Variants in PRKAG2 observed in about 807,000 individuals in gnomAD.
PRKAG2 encodes the protein 5'-AMP-activated protein kinase subunit gamma-2.
Under a neutral mutation model 69.6 loss-of-function variants are expected in PRKAG2, and 26 were observed. That is an observed-to-expected ratio of 0.37 (90% CI 0.27 to 0.52). The LOEUF (loss-of-function observed/expected upper bound fraction) is 0.52. Among genes scored for constraint, PRKAG2 ranks in the 20% least tolerant of loss-of-function variants. The pLI is 0.90. For missense variants in PRKAG2, 557 were observed against 740.0 expected, an observed-to-expected ratio of 0.75 and a Z score of 2.87; for synonymous variants, 293 against 285.0, an observed-to-expected ratio of 1.03 and a Z score of -0.28.
Position 151,776,313 on chromosome 7 carries a change from C to G in PRKAG2, c.466+4839G>C, listed in dbSNP as rs561997865. On this transcript the variant is annotated intron_variant, in intron 3 of 15. Transcript: ENST00000287878. ...GAGCCATGTCATAGCCTTCCTGAGC[C>G]CGGCCCCTGGCTGTCTACCCCGATG... is the stretch of plus-strand genomic sequence containing the variant. Among the ~76,000 whole-genome samples the G allele has an allele frequency of 3.9e-5, 6 of 152,342 alleles. No homozygotes were observed. The South Asian group carries it at 1.0e-3, about 26-fold the overall frequency.
intron 1 of PRKAG2, among the ~76,000 whole-genome samples, chr7:151,795,199 C>T (rs577454696): frequency 6.6e-6 from 1 of 151,996 alleles, no homozygotes; most frequent in Non-Finnish European, 1.5e-5. Flanking sequence ...CCTAGAGGGA[C>T]AGGTTGGGTG....
chr7:151,591,534 C>A (rs931703131), intron 6 of PRKAG2, among the ~76,000 whole-genome samples: 5 of 152,196 alleles, frequency 3.3e-5, no homozygotes, highest in African/African-American at 1.2e-4. Flanking sequence ...ACACTGGAGA[C>A]ACCCCTCCAA....
At position 151,807,299 on chromosome 7, in the gene PRKAG2, C is replaced by G. The variant is rs923021885; in HGVS notation, c.115-20758G>C. 2.5e-6 allele frequency: 1 copy of G among 407,124 alleles called. No homozygotes were observed. Among genetic ancestry groups the G allele is most frequent in the African/African-American group, 2.0e-5 (1 of 48,808 alleles). The allele number at this position is 407,124 out of a possible 1,614,324, so 25.2% of individuals were successfully genotyped here. On this transcript the variant is annotated intron_variant, in intron 1 of 15. Transcript: ENST00000287878. The surrounding 1 kb of genome is among the most constrained non-coding windows in gnomAD (Gnocchi z 4.4). ...GACCCATGGGATAGGGGAAGAAAAA[C>G]AAGCAATCTACAGAACGTGGGAAAA... is the stretch of plus-strand genomic sequence containing the variant.
intron 1 of PRKAG2, among the ~76,000 whole-genome samples, chr7:151,871,221 C>G (rs1421113920): frequency 6.6e-6 from 1 of 152,226 alleles, no homozygotes; most frequent in African/African-American, 2.4e-5. Flanking sequence ...GGAGAAAGAG[C>G]ACGCTTGCTA....
chr7:151,802,900 A>G (rs1192496530), intron 1 of PRKAG2, among the ~76,000 whole-genome samples: 3 of 151,868 alleles, frequency 2.0e-5, no homozygotes, highest in Admixed American at 1.3e-4. Context: ...GGACTCCCAC[A>G]AGGTTAAAGT....
At chr7:151,619,302 A>G (rs975311798) in intron 5 of PRKAG2, among the ~76,000 whole-genome samples, 1 of 152,240 alleles carries the variant, frequency 6.6e-6, no homozygotes, top group Non-Finnish European at 1.5e-5. Flanking sequence ...AGCAGCAAGC[A>G]CCAGCCAGGC....
chr7:151,842,003 G>GAT (rs2079307025), intron 1 of PRKAG2, among the ~76,000 whole-genome samples: 1 of 144,292 alleles, frequency 6.9e-6, no homozygotes, highest in African/African-American at 2.6e-5. Flanking sequence ...TGGTAGGTAG[G>GAT]GATGGTAGTG....
rs1366378602 is a variant in PRKAG2, at chr7:151,635,690, T to G, written c.685-3552A>C. Among the ~76,000 whole-genome samples the G allele has an allele frequency of 2.0e-5, 3 of 151,794 alleles. No individual in the cohort carries two copies. The East Asian group carries it at 5.8e-4, about 29-fold the overall frequency. ...GGATGCCGGGGATCAGGGGCTGGGG[T>G]AGGGGGCCAGAGGTGCCTATGGCTA... On this transcript the variant is annotated intron_variant, in intron 4 of 15. Transcript: ENST00000287878.
intron 6 of PRKAG2, among the ~76,000 whole-genome samples, chr7:151,589,650 C>G (rs1244104930): frequency 6.6e-6 from 1 of 152,176 alleles, no homozygotes; most frequent in Non-Finnish European, 1.5e-5. Flanking sequence ...GAAACTGGCA[C>G]CACGGCCGGG....
chr7:151,563,966 GA>G (rs1805661043), intron 14 of PRKAG2, 111 bp downstream of exon 14: 1 of 1,455,370 alleles, frequency 6.9e-7, no homozygotes, highest in Non-Finnish European at 9.6e-7. Flanking sequence ...ACTGAACCTG[GA>G]GGCTGCCTCG....
intron 3 of PRKAG2, among the ~76,000 whole-genome samples, chr7:151,697,115 C>T (rs1836807090): frequency 6.6e-6 from 1 of 152,142 alleles, no homozygotes; most frequent in African/African-American, 2.4e-5. Context: ...GCGGGAGCAT[C>T]CCCGGGGAGA....
intron 3 of PRKAG2, among the ~76,000 whole-genome samples, chr7:151,712,923 C>T (rs1795558474): frequency 6.6e-6 from 1 of 152,242 alleles, no homozygotes; most frequent in Admixed American, 6.5e-5. Flanking sequence ...ATATTTTCAG[C>T]ACTTTCCCAG....
chr7:151,807,125 G>A lies in PRKAG2; in HGVS notation c.115-20584C>T, dbSNP rs2078151194. The stretch of plus-strand genomic sequence containing the variant: ...GTCAGAGGGACCTTGTGGAGTGGTG[G>A]AAATGTTCCAGATCACACTGTGGCG... On this transcript the variant is annotated intron_variant, in intron 1 of 15. Transcript: ENST00000287878. This position sits in a 1 kb window ranked among gnomAD's most constrained non-coding sequence, Gnocchi z 4.4. 2.6e-6 allele frequency: 1 copy of A among 380,008 alleles called. No homozygotes were observed. The highest frequency in any genetic ancestry group is 5.2e-6 in the Non-Finnish European group (1 of 192,956). The allele number at this position is 380,008 out of a possible 1,614,324, so 23.5% of individuals were successfully genotyped here.
At chr7:151,863,872 C>G (rs925802428) in intron 1 of PRKAG2, among the ~76,000 whole-genome samples, 1 of 150,374 alleles carries the variant, frequency 6.7e-6, no homozygotes, top group African/African-American at 2.5e-5. Flanking sequence ...CCACCGCACT[C>G]CAGCCTGGAC....
chr7:151,653,273 GC>G (rs1221391503), intron 4 of PRKAG2, among the ~76,000 whole-genome samples: 1 of 152,038 alleles, frequency 6.6e-6, no homozygotes, highest in African/African-American at 2.4e-5. Flanking sequence ...AAATACGTTA[GC>G]TTTTTGCCTA....
intron 3 of PRKAG2, among the ~76,000 whole-genome samples, chr7:151,740,589 A>T (rs182617469): frequency 2.6e-5 from 4 of 152,240 alleles, no homozygotes; most frequent in Admixed American, 2.0e-4. Flanking sequence ...TGTAGCAAGG[A>T]TGCATGAATG....
In PRKAG2 at chr7:151,564,129, G is replaced by A; in HGVS notation, c.1533C>T (p.Cys511=). 1 of 1,614,128 alleles carries A rather than the reference G, an allele frequency of 6.2e-7. No individual in the cohort carries two copies. The highest frequency in any genetic ancestry group is 8.5e-7 in the Non-Finnish European group (1 of 1,180,024). Residue 511 remains cysteine, a synonymous_variant, in exon 14 of 16, where the codon TGC becomes TGT. Coordinates refer to ENST00000287878, the MANE Select transcript of PRKAG2 (RefSeq NM_016203.4). The part of the protein sequence containing the change: ...RSQYFEGVVK[C]NKLEILETIV... ...TGGTCTCCAGTATTTCCAGCTTATT[G>A]CACTTCACAACACCTTCAAAATACT... is the stretch of plus-strand genomic sequence containing the variant.
chr7:151,757,820 A>G (rs1285104780), intron 3 of PRKAG2, among the ~76,000 whole-genome samples: 4 of 152,242 alleles, frequency 2.6e-5, no homozygotes, highest in Admixed American at 6.5e-5. Context: ...CAGCTGAAAC[A>G]ATAGAATCGA....
At chr7:151,846,044 C>A (rs1364586367) in intron 1 of PRKAG2, among the ~76,000 whole-genome samples, 1 of 152,244 alleles carries the variant, frequency 6.6e-6, no homozygotes, top group Non-Finnish European at 1.5e-5. Flanking sequence ...ACCTCCCGGC[C>A]TGATCAGTGC....
Sources: allele counts gnomAD v4.1 joint callset (sites outside exome capture counted in the v4.1 genomes callset), GRCh38; gene constraint gnomAD v4.1.1; non-coding constraint Gnocchi (gnomAD v3.1); transcripts MANE v1.5; gene names NCBI Gene and HGNC (gene_info 2026-07-23, HGNC 2026-07-21).